SCUBE1: variants seen among roughly 807,000 people sequenced by gnomAD.
The protein encoded by SCUBE1 is signal peptide, CUB domain and EGF like domain containing 1.
A neutral mutation model predicts 124.4 loss-of-function variants in SCUBE1; 59 were observed. That is an observed-to-expected ratio of 0.47 (90% CI 0.38 to 0.59). The LOEUF is 0.59. Among genes scored for constraint, SCUBE1 ranks in the 20% least tolerant of loss-of-function variants. The probability of loss-of-function intolerance (pLI) is 0.00; values close to 1 mark genes in which losing one functional copy is unlikely to be tolerated. For synonymous variants in SCUBE1, 545 were observed against 550.9 expected (o/e 0.99, Z 0.15); for missense variants, 1,150 against 1,371.2 (o/e 0.84, Z 2.55).
chr22:43,257,162 T>C (rs1009778435), intron 6 of SCUBE1, among the ~76,000 whole-genome samples: 3 of 152,244 alleles, frequency 2.0e-5, no homozygotes, highest in African/African-American at 7.2e-5. Context: ...GCTCGGGCCC[T>C]GCTCCCTGAG....
Position 43,258,614 on chromosome 22 carries a change from C to T in SCUBE1, c.611-279G>A, listed in dbSNP as rs1015061557. The stretch of plus-strand genomic sequence containing the variant: ...GATCAGAGCAGGCACAGAGGTGATG[C>T]GCTCAGATGGTGGTAGATGAAGACA... On this transcript the variant is annotated intron_variant, in intron 5 of 21. Coordinates refer to ENST00000360835, the MANE Select transcript of SCUBE1 (RefSeq NM_173050.5). This position sits in a 1 kb window ranked among gnomAD's most constrained non-coding sequence, Gnocchi z 5.0. Among the ~76,000 whole-genome samples the T allele has an allele frequency of 3.3e-5, 5 of 152,170 alleles. No individual in the cohort carries two copies. Among genetic ancestry groups the T allele is most frequent in the African/African-American group, 7.2e-5 (3 of 41,424 alleles).
intron 9 of SCUBE1, 146 bp from the exon 10 acceptor site, chr22:43,227,642 G>A (rs1922379123): frequency 9.1e-6 from 9 of 991,228 alleles, no homozygotes; most frequent in South Asian, 1.6e-5. Flanking sequence ...CAGTGCACAC[G>A]CCACACGCAC....
At chr22:43,254,176 G>A (rs1430075519) in intron 6 of SCUBE1, among the ~76,000 whole-genome samples, 1 of 152,230 alleles carries the variant, frequency 6.6e-6, no homozygotes, top group Non-Finnish European at 1.5e-5. Context: ...AGCTTGCCCT[G>A]TCTGCCTGTG....
chr22:43,340,481 TACACACACACACACACACAC>T (rs3047392), intron 1 of SCUBE1, among the ~76,000 whole-genome samples: 247 of 136,112 alleles, frequency 1.8e-3, no homozygotes, highest in African/African-American at 5.7e-3. Flanking sequence ...TTGTCTCTTT[TACACACACACACACACACAC>T]ACACACACAC....
intron 6 of SCUBE1, among the ~76,000 whole-genome samples, chr22:43,251,874 T>C (rs1923463880): frequency 6.6e-6 from 1 of 152,220 alleles, no homozygotes; most frequent in African/African-American, 2.4e-5. Flanking sequence ...AGGGGCTTGA[T>C]TGAAGACCTG....
At chr22:43,232,815 C>T (rs1221689915) in intron 7 of SCUBE1, among the ~76,000 whole-genome samples, 4 of 152,220 alleles carry the variant, frequency 2.6e-5, no homozygotes, top group African/African-American at 9.6e-5. Flanking sequence ...CCCTGTGAGC[C>T]CCCATGCTCC....
Position 43,255,288 on chromosome 22 carries a change from C to T in SCUBE1, c.727+2931G>A, listed in dbSNP as rs551752665. Reference sequence around the variant, plus strand: ...GTGAGTTCACACCTGGAGTGGAGCCCCCCGCACTCACACGACACGCAGGAC... The same window carrying T: ...GTGAGTTCACACCTGGAGTGGAGCCTCCCGCACTCACACGACACGCAGGAC... On this transcript the variant is annotated intron_variant, in intron 6 of 21. Coordinates refer to ENST00000360835, the MANE Select transcript of SCUBE1 (RefSeq NM_173050.5). The surrounding 1 kb of genome is among the most constrained non-coding windows in gnomAD (Gnocchi z 4.7). Among the ~76,000 whole-genome samples, 9 of 152,204 alleles carry T rather than the reference C, an allele frequency of 5.9e-5. No individual in the cohort carries two copies. The highest frequency in any genetic ancestry group is 1.7e-4 in the African/African-American group (7 of 41,530).
chr22:43,313,492 T>C (rs1022418087), intron 3 of SCUBE1, among the ~76,000 whole-genome samples: 2 of 152,254 alleles, frequency 1.3e-5, no homozygotes, highest in Non-Finnish European at 2.9e-5. Context: ...TAATTTAAGA[T>C]GAAAACAATC....
chr22:43,296,560 T>C lies in SCUBE1; in HGVS notation c.350-5380A>G, dbSNP rs112711077. Among the ~76,000 whole-genome samples, 618 of 152,330 alleles carry C rather than the reference T, an allele frequency of 4.1e-3. 3 individuals are homozygous for C. The highest frequency in any genetic ancestry group is 0.013 in the African/African-American group (551 of 41,578). The stretch of plus-strand genomic sequence containing the variant: ...CTGGGGCAGACTCTAGGAGGCTCCT[T>C]TCAGGAAATCCTTTCAACTGGTGAG... On this transcript the variant is annotated intron_variant, in intron 3 of 21. Coordinates refer to ENST00000360835, the MANE Select transcript of SCUBE1 (RefSeq NM_173050.5).
chr22:43,317,865 T>C (rs549778305), intron 3 of SCUBE1, among the ~76,000 whole-genome samples: 85 of 152,312 alleles, frequency 5.6e-4, no homozygotes, highest in African/African-American at 1.9e-3. Context: ...GTGGGCCTAA[T>C]GCAACACGAC....
chr22:43,211,062 T>C lies in SCUBE1; in HGVS notation c.2243A>G (p.His748Arg). Reference protein sequence around the residue: ...EAKVHCSPGHHYNTTTHRCIR... With the variant: ...EAKVHCSPGHRYNTTTHRCIR... ...GCAGCGGTGGGTGGTGGTGTTGTAG[T>C]GGTGGCCGGGGGAGCAGTGCACTGC... Residue 748 changes from histidine to arginine, a missense_variant, in exon 18 of 22, where the codon CAC becomes CGC. This residue lies in a region of SCUBE1 where 757 missense variants were observed against 840.9 expected (regional missense o/e 0.90). Coordinates refer to ENST00000360835, the MANE Select transcript of SCUBE1 (RefSeq NM_173050.5). This position sits in a 1 kb window ranked among gnomAD's most constrained non-coding sequence, Gnocchi z 4.5. The C allele has an allele frequency of 6.2e-7, 1 of 1,612,864 alleles. No homozygotes were observed. The highest frequency in any genetic ancestry group is 8.5e-7 in the Non-Finnish European group (1 of 1,179,496).
At chr22:43,288,406 T>C (rs1925229399) in intron 4 of SCUBE1, among the ~76,000 whole-genome samples, 1 of 152,154 alleles carries the variant, frequency 6.6e-6, no homozygotes, top group South Asian at 2.1e-4. Flanking sequence ...CTCAACCAGC[T>C]TTCCCACAGC....
rs368969489 is a variant in SCUBE1 at position 43,238,713 on chromosome 22, T to C, written c.844+125A>G. 1.4e-5 allele frequency: 11 copies of C among 812,800 alleles called. No homozygotes were observed. In the East Asian group the frequency reaches 2.0e-4, roughly 15 times the overall value. The allele number at this position is 812,800 out of a possible 1,614,324, so 50.3% of individuals were successfully genotyped here. On this transcript the variant is annotated intron_variant, in intron 7 of 21. Transcript: ENST00000360835. ...AACAGCAAAGCAAATGATTGCCACGTGTCCTTTCCCACAGCTACACGTGGC... is the reference window on the plus strand; with the variant it reads ...AACAGCAAAGCAAATGATTGCCACGCGTCCTTTCCCACAGCTACACGTGGC...
At chr22:43,294,908 C>G (rs1925501049) in intron 3 of SCUBE1, among the ~76,000 whole-genome samples, 1 of 152,124 alleles carries the variant, frequency 6.6e-6, no homozygotes. Context: ...TTGCTGCCAG[C>G]GAGGCCCCAG....
intron 2 of SCUBE1, among the ~76,000 whole-genome samples, chr22:43,323,993 C>G (rs1341343194): frequency 1.3e-5 from 2 of 152,150 alleles, no homozygotes; most frequent in Non-Finnish European, 2.9e-5. Flanking sequence ...GAAACACAAT[C>G]AGTTATGGAG....
rs560920244 is a variant in SCUBE1 at position 43,253,006 on chromosome 22, G to A, written c.727+5213C>T. On this transcript the variant is annotated intron_variant, in intron 6 of 21. Coordinates refer to ENST00000360835, the MANE Select transcript of SCUBE1 (RefSeq NM_173050.5). ...TAAAACGTGGGGGCAGGATGGGAACGGTCACCTCCCTACCTAAGTCTGTAC... is the reference window on the plus strand; with the variant it reads ...TAAAACGTGGGGGCAGGATGGGAACAGTCACCTCCCTACCTAAGTCTGTAC... Among the ~76,000 whole-genome samples, 8 of 148,746 alleles carry A rather than the reference G, an allele frequency of 5.4e-5. No individual in the cohort carries two copies. The South Asian group carries it at 8.6e-4, about 16-fold the overall frequency.
At chr22:43,305,782 G>A (rs908619351) in intron 3 of SCUBE1, among the ~76,000 whole-genome samples, 1 of 152,184 alleles carries the variant, frequency 6.6e-6, no homozygotes, top group African/African-American at 2.4e-5. Flanking sequence ...GGGAGGGCAA[G>A]CCTGTGGGAT....
intron 6 of SCUBE1, among the ~76,000 whole-genome samples, chr22:43,242,185 G>A (rs1923031985): frequency 3.9e-5 from 6 of 152,232 alleles, no homozygotes; most frequent in Admixed American, 3.9e-4. Flanking sequence ...GTGGGGCCGA[G>A]CACCGCGTCC....
Position 43,204,000 on chromosome 22 carries a change from T to C in SCUBE1, c.2964A>G (p.Lys988=), listed in dbSNP as rs759392462. Residue 988 remains lysine (K), a synonymous_variant, in exon 22 of 22, where the codon AAA becomes AAG. Transcript: ENST00000360835. ...SKVSRFLRPY[K] is the part of the protein sequence containing the mutation. ...CAGGCAGGGCCGCTCCCCCCGGTTA[T>C]TTGTAGGGCCGCAGGAACCGAGACA... is the stretch of plus-strand genomic sequence containing the variant. 3.7e-6 allele frequency: 6 copies of C among 1,613,654 alleles called. No homozygotes were observed. In the African/African-American group the frequency reaches 8.0e-5, roughly 22 times the overall value.
Sources: allele counts gnomAD v4.1 joint callset (sites outside exome capture counted in the v4.1 genomes callset), GRCh38; gene constraint gnomAD v4.1.1; regional missense constraint gnomAD v4.1.1; non-coding constraint Gnocchi (gnomAD v3.1); transcripts MANE v1.5; gene names NCBI Gene and HGNC (gene_info 2026-07-23, HGNC 2026-07-21).